The following COL5A2 variants were observed in gnomAD, a reference collection of about 807,000 sequenced individuals.
The protein encoded by COL5A2 is collagen alpha-2(V) chain.
In COL5A2, 23 loss-of-function variants were observed where a neutral mutation model predicts 208.2. The ratio of observed to expected loss-of-function variants is 0.11; its 90% CI spans 0.08 to 0.16. The LOEUF is 0.16. COL5A2 is among the 10% of genes least tolerant of loss of function. COL5A2 has a pLI of 1.00. For missense variants in COL5A2, 1,590 were observed against 1,956.4 expected, an observed-to-expected ratio of 0.81 and a Z score of 3.53; for synonymous variants, 625 against 628.5, an observed-to-expected ratio of 0.99 and a Z score of 0.08.
At chr2:189,178,188 CAT>C (rs1553524991) in intron 1 of COL5A2, among the ~76,000 whole-genome samples, 1 of 152,042 alleles carries the variant, frequency 6.6e-6, no homozygotes, top group Non-Finnish European at 1.5e-5. Context: ...TAAAACGTAA[CAT>C]AAAAAGCTCC....
the COL5A2 span, among the ~76,000 whole-genome samples, chr2:189,344,002 T>C: frequency 5.7e-4 from 87 of 152,326 alleles, no homozygotes; most frequent in African/African-American, 2.0e-3. Context: ...TCATGTGAAC[T>C]TGAAAATTGC....
intron 1 of COL5A2, among the ~76,000 whole-genome samples, chr2:189,157,116 CG>C (rs1688262186): frequency 2.1e-5 from 1 of 46,886 alleles, no homozygotes; most frequent in Non-Finnish European, 7.4e-5. Flanking sequence ...ATAGATATAT[CG>C]ATATATCTAT....
At chr2:189,235,894 A>G in the COL5A2 span, among the ~76,000 whole-genome samples, 1 of 151,446 alleles carries the variant, frequency 6.6e-6, no homozygotes, top group South Asian at 2.1e-4. Context: ...ATTGTGCCCA[A>G]ATGGTTTGTA....
At chr2:189,388,395 A>T in the COL5A2 span, among the ~76,000 whole-genome samples, 1 of 152,160 alleles carries the variant, frequency 6.6e-6, no homozygotes, top group Non-Finnish European at 1.5e-5. Context: ...ACACTATAAT[A>T]GTCCTGGGGT....
chr2:189,241,950 T>C, the COL5A2 span, among the ~76,000 whole-genome samples: 1 of 152,226 alleles, frequency 6.6e-6, no homozygotes, highest in Non-Finnish European at 1.5e-5. Flanking sequence ...TACTTTTCTT[T>C]GACCACAGTG....
chr2:189,409,904 C>A, the COL5A2 span, among the ~76,000 whole-genome samples: 1 of 152,108 alleles, frequency 6.6e-6, no homozygotes, highest in East Asian at 1.9e-4. Flanking sequence ...CACTTAGAAT[C>A]TGTTTGCTTT....
the COL5A2 span, among the ~76,000 whole-genome samples, chr2:189,277,915 C>A: frequency 6.6e-6 from 1 of 152,018 alleles, no homozygotes; most frequent in African/African-American, 2.4e-5. Context: ...ATCTATTTTT[C>A]CTGGGTGGGA....
At chr2:189,052,374 A>G in intron 40 of COL5A2, 149 bp from the exon 41 acceptor site, 2 of 771,512 alleles carry the variant, frequency 2.6e-6, no homozygotes, top group East Asian at 2.7e-5. Flanking sequence ...TACGAATCCC[A>G]TATTTTGGGG....
At chr2:189,401,535 T>C in the COL5A2 span, among the ~76,000 whole-genome samples, 3 of 152,298 alleles carry the variant, frequency 2.0e-5, no homozygotes, top group African/African-American at 4.8e-5. Context: ...TACGGGTGCA[T>C]GTATCTTTAT....
intron 23 of COL5A2, 46 bp from the exon 24 acceptor site, chr2:189,065,103 G>C: frequency 1.3e-6 from 2 of 1,570,530 alleles, no homozygotes; most frequent in Non-Finnish European, 1.7e-6. Flanking sequence ...TGATATTTTT[G>C]CAATATGTAA....
At chr2:189,036,114 C>G (rs953156626) in intron 52 of COL5A2, among the ~76,000 whole-genome samples, 1 of 151,978 alleles carries the variant, frequency 6.6e-6, no homozygotes, top group Non-Finnish European at 1.5e-5. Context: ...AGACCCTAAA[C>G]TAAGAATTTT....
the COL5A2 span, among the ~76,000 whole-genome samples, chr2:189,374,477 A>G: frequency 2.6e-5 from 4 of 152,294 alleles, no homozygotes; most frequent in East Asian, 7.7e-4. Context: ...TGACTGCTAG[A>G]GGACTAATTT....
intron 41 of COL5A2, 72 bp from the exon 42 acceptor site, chr2:189,051,553 G>C: frequency 1.4e-6 from 2 of 1,382,672 alleles, no homozygotes; most frequent in South Asian, 1.5e-5. Context: ...ACATAACGCT[G>C]TCTGCCTCAG....
chr2:189,046,360 C>T (rs914437610), intron 45 of COL5A2, among the ~76,000 whole-genome samples: 6 of 152,156 alleles, frequency 3.9e-5, no homozygotes, highest in African/African-American at 9.7e-5. Context: ...ATTATCCTTC[C>T]TTACTTCCCC....
the COL5A2 span, among the ~76,000 whole-genome samples, chr2:189,241,677 C>T: frequency 1.3e-5 from 2 of 152,146 alleles, no homozygotes; most frequent in South Asian, 2.1e-4. Context: ...CAAAGCAAAA[C>T]GTTGTTCGAG....
the COL5A2 span, among the ~76,000 whole-genome samples, chr2:189,365,012 T>C: frequency 1.3e-5 from 2 of 152,226 alleles, no homozygotes; most frequent in South Asian, 2.1e-4. Flanking sequence ...ATCTATTTTT[T>C]AAAGTATGTA....
chr2:189,391,136 C>G, the COL5A2 span, among the ~76,000 whole-genome samples: 1 of 152,062 alleles, frequency 6.6e-6, no homozygotes, highest in South Asian at 2.1e-4. Context: ...GTATCCAAAG[C>G]AATAACACTA....
chr2:189,359,091 A>T, the COL5A2 span, among the ~76,000 whole-genome samples: 1 of 152,108 alleles, frequency 6.6e-6, no homozygotes, highest in Non-Finnish European at 1.5e-5. Context: ...TTTTGCTAGA[A>T]ATTCTATTAT....
At chr2:189,156,308 C>T (rs2105794885) in intron 1 of COL5A2, among the ~76,000 whole-genome samples, 1 of 152,022 alleles carries the variant, frequency 6.6e-6, no homozygotes. Context: ...GACAACATTG[C>T]CCTTAAAAAT....
Sources: gnomAD v4.1 joint callset for allele counts (sites outside exome capture counted in the v4.1 genomes callset) on GRCh38, gnomAD v4.1.1 for gene constraint, MANE v1.5 for transcripts, NCBI Gene and HGNC (gene_info 2026-07-23, HGNC 2026-07-21) for gene names.